Variants in RASA1 observed in about 807,000 individuals in gnomAD.
The protein encoded by RASA1 is RAS p21 protein activator 1, also known as ras GTPase-activating protein 1.
In RASA1, 25 loss-of-function variants were observed where a neutral mutation model predicts 132.2. The ratio of observed to expected loss-of-function variants is 0.19; its 90% CI spans 0.14 to 0.26. The LOEUF is 0.26. Ranked by LOEUF, RASA1 falls within the 10% of genes least tolerant of loss-of-function variation. RASA1 has a pLI of 1.00. For synonymous variants in RASA1, 477 were observed against 449.9 expected (o/e 1.06, Z -0.76); for missense variants, 964 against 1,299.2 (o/e 0.74, Z 3.97).
chr5:87,290,830 T>G (rs13175107), intron 1 of RASA1, among the ~76,000 whole-genome samples: 76 of 152,326 alleles, frequency 5.0e-4, no homozygotes, highest in African/African-American at 1.8e-3. Flanking sequence ...GCTAATTTCT[T>G]TTTTTGTCTG....
chr5:87,374,459 A>ATTTTTTTTTTTTTT (rs770426797), intron 14 of RASA1, 139 bp downstream of exon 14: 2 of 164,172 alleles, frequency 1.2e-5, no homozygotes, highest in African/African-American at 6.0e-5. Context: ...ATATATATAT[A>ATTTTTTTTTTTTTT]TTTTTTTTTT....
chr5:87,326,146 A>AT (rs1272226039), intron 1 of RASA1, among the ~76,000 whole-genome samples: 1 of 151,826 alleles, frequency 6.6e-6, no homozygotes, highest in African/African-American at 2.4e-5. Context: ...TAATTTTTGT[A>AT]TTTTTTGTAG....
chr5:87,331,028 A>G (rs1340871956), intron 1 of RASA1: 2 of 1,325,480 alleles, frequency 1.5e-6, no homozygotes, highest in East Asian at 2.6e-5. Context: ...TATTTTTCTA[A>G]GTAAAGATCT....
chr5:87,355,783 G>A (rs1347038573), intron 9 of RASA1, among the ~76,000 whole-genome samples: 1 of 152,202 alleles, frequency 6.6e-6, no homozygotes, highest in Admixed American at 6.5e-5. Flanking sequence ...TGATTCATGG[G>A]CAGAGGCCAA....
In RASA1 at chr5:87,330,889, C is replaced by A. The variant is rs774525460; in HGVS notation, c.540-459C>A. 6.9e-6 allele frequency: 8 copies of A among 1,165,470 alleles called. No individual in the cohort carries two copies. In the South Asian group the frequency reaches 1.7e-4, roughly 25 times the overall value. 72.2% of individuals were successfully genotyped at this position (1,165,470 alleles called of 1,614,324 possible). On this transcript the variant is annotated intron_variant, in intron 1 of 24. Coordinates refer to ENST00000274376, the MANE Select transcript of RASA1 (RefSeq NM_002890.3). Reference sequence around the variant, plus strand: ...AGACAGTGTAATTCTGTTTTCCTGTCGCAGGGCACAAACACTAAAATGGAA... The same window carrying A: ...AGACAGTGTAATTCTGTTTTCCTGTAGCAGGGCACAAACACTAAAATGGAA...
intron 20 of RASA1, among the ~76,000 whole-genome samples, chr5:87,383,087 C>G (rs1203163245): frequency 2.0e-5 from 3 of 152,012 alleles, no homozygotes; most frequent in Non-Finnish European, 4.4e-5. Flanking sequence ...GAACAAAACC[C>G]TATCTCAAAG....
chr5:87,282,320 A>G (rs558606790), intron 1 of RASA1, among the ~76,000 whole-genome samples: 1 of 152,292 alleles, frequency 6.6e-6, no homozygotes, highest in Non-Finnish European at 1.5e-5. Context: ...TTCCTGAAAG[A>G]TAGTTTCACC....
rs903481037 is a variant in RASA1 at position 87,337,874 on chromosome 5, C to T, written c.900-100C>T. 3 of 1,239,108 alleles carry T rather than the reference C, an allele frequency of 2.4e-6. No homozygotes were observed. The Admixed American group carries it at 9.0e-5, about 37-fold the overall frequency. The allele number at this position is 1,239,108 out of a possible 1,614,324, so 76.8% of individuals were successfully genotyped here. ...TTTGACTCTAATTCCTTACATTTTT[C>T]AATATAATACTATCCCTATCCTATT... On this transcript the variant is annotated intron_variant, in intron 4 of 24. Coordinates refer to ENST00000274376, the MANE Select transcript of RASA1 (RefSeq NM_002890.3).
chr5:87,380,474 C>A, intron 19 of RASA1, 35 bp from the exon 20 acceptor site: 1 of 1,547,594 alleles, frequency 6.5e-7, no homozygotes, highest in Non-Finnish European at 8.9e-7. Flanking sequence ...TTTTCACTTG[C>A]TTTCTGTGTT....
chr5:87,343,073 C>G (rs933329581), intron 6 of RASA1, among the ~76,000 whole-genome samples: 1 of 151,874 alleles, frequency 6.6e-6, no homozygotes, highest in African/African-American at 2.4e-5. Flanking sequence ...TATGTTTGTT[C>G]CCTTTAATTT....
intron 1 of RASA1, among the ~76,000 whole-genome samples, chr5:87,280,317 C>G (rs1006386503): frequency 1.1e-4 from 17 of 151,862 alleles, no homozygotes; most frequent in African/African-American, 3.9e-4. Flanking sequence ...CTTTTTCTTT[C>G]TTTCTTTTTT....
intron 1 of RASA1, among the ~76,000 whole-genome samples, chr5:87,289,616 A>T (rs1435858490): frequency 6.6e-6 from 1 of 151,888 alleles, no homozygotes; most frequent in Non-Finnish European, 1.5e-5. Context: ...TTATTTTATT[A>T]TTATTATTTT....
intron 1 of RASA1, among the ~76,000 whole-genome samples, chr5:87,312,687 T>A (rs1679954544): frequency 6.6e-6 from 1 of 152,196 alleles, no homozygotes; most frequent in Non-Finnish European, 1.5e-5. Flanking sequence ...TATCTGGAAC[T>A]GGGGATGTGA....
intron 1 of RASA1, among the ~76,000 whole-genome samples, chr5:87,304,209 T>C (rs1158768506): frequency 6.6e-6 from 1 of 152,178 alleles, no homozygotes; most frequent in East Asian, 1.9e-4. Flanking sequence ...GTAAAGCATT[T>C]TGTATTCTTC....
intron 1 of RASA1, among the ~76,000 whole-genome samples, chr5:87,311,109 G>A (rs1368397627): frequency 1.3e-5 from 2 of 152,094 alleles, no homozygotes; most frequent in African/African-American, 2.4e-5. Context: ...ATAGTTATGC[G>A]ATTATTGAGT....
chr5:87,298,837 A>G (rs746360329), intron 1 of RASA1, among the ~76,000 whole-genome samples: 15 of 152,204 alleles, frequency 9.9e-5, no homozygotes, highest in Non-Finnish European at 2.2e-4. Flanking sequence ...ATTACTAGCC[A>G]GTTAACAAGT....
chr5:87,276,177 T>C (rs1027165543), intron 1 of RASA1, among the ~76,000 whole-genome samples: 10 of 152,194 alleles, frequency 6.6e-5, no homozygotes, highest in East Asian at 3.8e-4. Context: ...CAAATACTTA[T>C]GAGTTCTTCC....
intron 1 of RASA1, among the ~76,000 whole-genome samples, chr5:87,278,933 T>TC (rs70996416): frequency 6.2e-5 from 9 of 145,972 alleles, no homozygotes; most frequent in African/African-American, 2.3e-4. Context: ...TTTTTTTTTT[T>TC]CCTGTGGTCA....
intron 22 of RASA1, 107 bp from the exon 23 acceptor site, chr5:87,386,719 T>A: frequency 2.2e-6 from 2 of 899,566 alleles, no homozygotes; most frequent in East Asian, 4.9e-5. Context: ...TTTGGTGCAA[T>A]AGTAATTGCA....
Sources: gnomAD v4.1 joint callset for allele counts (sites outside exome capture counted in the v4.1 genomes callset) on GRCh38, gnomAD v4.1.1 for gene constraint, MANE v1.5 for transcripts, NCBI Gene and HGNC (gene_info 2026-07-23, HGNC 2026-07-21) for gene names.